ZC3HAV1: variants seen among roughly 807,000 people sequenced by gnomAD.
The protein encoded by ZC3HAV1 is zinc finger CCCH-type antiviral protein 1.
A neutral mutation model predicts 86.6 loss-of-function variants in ZC3HAV1; 41 were observed. The ratio of observed to expected loss-of-function variants is 0.47; its 90% CI spans 0.37 to 0.61. The LOEUF (loss-of-function observed/expected upper bound fraction) is 0.61. Ranked by LOEUF, ZC3HAV1 falls within the 20% of genes least tolerant of loss-of-function variation. The probability of loss-of-function intolerance (pLI) is 0.00; values close to 1 mark genes in which losing one functional copy is unlikely to be tolerated. For synonymous variants in ZC3HAV1, 421 were observed against 432.1 expected, an observed-to-expected ratio of 0.97 and a Z score of 0.32; for missense variants, 964 against 1,141.1, an observed-to-expected ratio of 0.84 and a Z score of 2.24.
chr7:139,087,095 CCTTT>C (rs1476238363), intron 2 of ZC3HAV1, among the ~76,000 whole-genome samples: 5 of 152,266 alleles, frequency 3.3e-5, no homozygotes, highest in African/African-American at 1.2e-4. Context: ...TGATGAATGG[CCTTT>C]CTAAGCCTCC....
intron 7 of ZC3HAV1, among the ~76,000 whole-genome samples, chr7:139,071,149 C>T (rs149783492): frequency 0.011 from 1,569 of 146,576 alleles, 28 homozygotes; most frequent in African/African-American, 0.038. Flanking sequence ...CAGGCTGGAG[C>T]GTAGTGGCAC....
At chr7:139,068,024 T>TTTATTATTATTA (rs142686573) in intron 7 of ZC3HAV1, among the ~76,000 whole-genome samples, 1 of 142,046 alleles carries the variant, frequency 7.0e-6, no homozygotes, top group Non-Finnish European at 1.5e-5. Context: ...TCTTTCTTTC[T>TTTATTATTATTA]TTATTATTAT....
chr7:139,096,822 C>A (rs1584870943), intron 1 of ZC3HAV1, among the ~76,000 whole-genome samples: 2 of 152,252 alleles, frequency 1.3e-5, no homozygotes, highest in East Asian at 3.9e-4. Flanking sequence ...CAAATGGATT[C>A]TTTAGGGTGG....
intron 4 of ZC3HAV1, 128 bp from the exon 5 acceptor site, chr7:139,078,781 T>G: frequency 1.3e-6 from 1 of 795,848 alleles, no homozygotes; most frequent in Non-Finnish European, 1.9e-6. Flanking sequence ...CTATGATTTA[T>G]GTTTTGCCCA....
intron 7 of ZC3HAV1, among the ~76,000 whole-genome samples, chr7:139,071,103 C>CTT (rs1463945923): frequency 1.2e-3 from 156 of 135,338 alleles, no homozygotes; most frequent in African/African-American, 3.8e-3. Flanking sequence ...TTTCTGAAAC[C>CTT]TTTTTTTTTT....
At chr7:139,088,047 A>G (rs1046325203) in intron 2 of ZC3HAV1, among the ~76,000 whole-genome samples, 12 of 150,930 alleles carry the variant, frequency 8.0e-5, no homozygotes, top group African/African-American at 1.9e-4. Context: ...AAAAAAAAAA[A>G]AAAAAAAAGA....
intron 9 of ZC3HAV1, among the ~76,000 whole-genome samples, chr7:139,058,211 G>T (rs1400760505): frequency 1.4e-5 from 2 of 143,522 alleles, no homozygotes; most frequent in Non-Finnish European, 3.0e-5. Context: ...TCATGTGGCT[G>T]TTTATTATCA....
intron 12 of ZC3HAV1, among the ~76,000 whole-genome samples, chr7:139,052,879 A>C (rs57714567): frequency 0.088 from 13,412 of 151,682 alleles, 1,218 homozygotes; most frequent in African/African-American, 0.23. Context: ...CAGTGAGCCG[A>C]GATTGTCACC....
At position 139,107,887 on chromosome 7, in the gene ZC3HAV1, T is replaced by C. The variant is rs538989927; in HGVS notation, c.308+1137A>G. On this transcript the variant is annotated intron_variant, in intron 1 of 12. Coordinates refer to ENST00000242351, the MANE Select transcript of ZC3HAV1 (RefSeq NM_020119.4). ...GAGAAAAGTAATTGAGCAGAGCACA[T>C]AGTGACAGAAAGGGTGGGAGGAAAG... Among the ~76,000 whole-genome samples, 120 of 152,206 alleles carry C rather than the reference T, an allele frequency of 7.9e-4. 1 individual carries two copies. The highest frequency in any genetic ancestry group is 3.5e-3 in the Admixed American group (53 of 15,296).
At chr7:139,052,850 GC>G (rs763870840) in intron 12 of ZC3HAV1, among the ~76,000 whole-genome samples, 2 of 151,672 alleles carry the variant, frequency 1.3e-5, no homozygotes, top group Non-Finnish European at 2.9e-5. Context: ...GATCACTTGA[GC>G]CCAGGAGGTT....
In ZC3HAV1 at chr7:139,043,702, G is replaced by A. The variant is rs1815880873; in HGVS notation, c.*3892C>T. 1 of 152,296 alleles carries A rather than the reference G, an allele frequency of 6.6e-6. No homozygotes were observed. Among genetic ancestry groups the A allele is most frequent in the Non-Finnish European group, 1.5e-5 (1 of 68,030 alleles). 9.4% of individuals were successfully genotyped at this position (152,296 alleles called of 1,614,324 possible). ...CGTGGCACAGCAAACAAGACAGACT[G>A]ACTCAACCCTCAGGGGGCTTACATT... On this transcript the variant is annotated 3_prime_UTR_variant, in exon 13 of 13. Coordinates refer to ENST00000242351, the MANE Select transcript of ZC3HAV1 (RefSeq NM_020119.4).
At position 139,108,254 on chromosome 7, in the gene ZC3HAV1, C is replaced by T. The variant is rs1398385180; in HGVS notation, c.308+770G>A. ...AAGAGTCTTAACCCAAACCTTGCAG[C>T]GCATCTGCATTTAGACGAAAAAAAA... On this transcript the variant is annotated intron_variant, in intron 1 of 12. Coordinates refer to ENST00000242351, the MANE Select transcript of ZC3HAV1 (RefSeq NM_020119.4). This position sits in a 1 kb window ranked among gnomAD's most constrained non-coding sequence, Gnocchi z 4.2. 2.0e-5 allele frequency among the ~76,000 whole-genome samples: 3 copies of T among 150,886 alleles called. No individual in the cohort carries two copies. Among genetic ancestry groups the T allele is most frequent in the African/African-American group, 4.9e-5 (2 of 40,914 alleles).
chr7:139,051,480 C>T (rs999776760), intron 12 of ZC3HAV1, among the ~76,000 whole-genome samples: 2 of 150,922 alleles, frequency 1.3e-5, no homozygotes, highest in African/African-American at 2.4e-5. Context: ...AATCACAGCT[C>T]ACTGCAGCCT....
intron 2 of ZC3HAV1, among the ~76,000 whole-genome samples, chr7:139,084,411 T>G (rs7796858): frequency 6.6e-6 from 1 of 152,276 alleles, no homozygotes; most frequent in African/African-American, 2.4e-5. Flanking sequence ...CTGCAACTGT[T>G]TGGAAATCCA....
chr7:139,092,979 A>G (rs1817477449), intron 1 of ZC3HAV1, among the ~76,000 whole-genome samples: 1 of 152,188 alleles, frequency 6.6e-6, no homozygotes. Flanking sequence ...TCTTTGCCCT[A>G]ATTTCAGGAT....
intron 7 of ZC3HAV1, among the ~76,000 whole-genome samples, chr7:139,071,210 C>T (rs1816764230): frequency 6.6e-6 from 1 of 151,408 alleles, no homozygotes; most frequent in South Asian, 2.1e-4. Flanking sequence ...AATTTTCCTG[C>T]CTCAGCCTCC....
chr7:139,051,872 G>A (rs1174071220), intron 12 of ZC3HAV1, among the ~76,000 whole-genome samples: 2 of 151,996 alleles, frequency 1.3e-5, no homozygotes, highest in Non-Finnish European at 2.9e-5. Flanking sequence ...TGCCTTTTGG[G>A]GCAAGAATTG....
intron 2 of ZC3HAV1, among the ~76,000 whole-genome samples, chr7:139,089,085 C>T (rs1817357211): frequency 8.8e-6 from 1 of 113,916 alleles, no homozygotes; most frequent in African/African-American, 3.5e-5. Context: ...CTGCGCAACA[C>T]AGCGAGACTC....
At chr7:139,083,676 G>C (rs1224842825) in intron 3 of ZC3HAV1, 104 bp downstream of exon 3, 1 of 1,413,996 alleles carries the variant, frequency 7.1e-7, no homozygotes, top group Non-Finnish European at 9.3e-7. Context: ...GCAGTGAGCT[G>C]AGATCACGCC....
Sources: allele counts gnomAD v4.1 joint callset (sites outside exome capture counted in the v4.1 genomes callset), GRCh38; gene constraint gnomAD v4.1.1; non-coding constraint Gnocchi (gnomAD v3.1); transcripts MANE v1.5; gene names NCBI Gene and HGNC (gene_info 2026-07-23, HGNC 2026-07-21).